Variants in VPS53 observed in about 807,000 individuals in gnomAD.
The protein encoded by VPS53 is vacuolar protein sorting-associated protein 53 homolog.
Under a neutral mutation model 107.0 loss-of-function variants are expected in VPS53, and 70 were observed. The ratio of observed to expected loss-of-function variants is 0.65; its 90% CI spans 0.54 to 0.80. The LOEUF (loss-of-function observed/expected upper bound fraction) is 0.80, where lower values mean the gene tolerates loss of function less well. VPS53 is among the 30% of genes least tolerant of loss of function. The pLI, the probability that VPS53 is intolerant of heterozygous loss-of-function variation, is 0.00. For missense variants in VPS53, 917 were observed against 1,049.4 expected, an observed-to-expected ratio of 0.87 and a Z score of 1.74; for synonymous variants, 409 against 393.3, an observed-to-expected ratio of 1.04 and a Z score of -0.47.
chr17:601,946 G>A, intron 11 of VPS53, 50 bp from the exon 12 acceptor site: 1 of 1,330,480 alleles, frequency 7.5e-7, no homozygotes, highest in Non-Finnish European at 1.0e-6. Flanking sequence ...ATATTCAATA[G>A]CTTTCCCCAT....
chr17:635,522 G>A (rs919376343), intron 7 of VPS53, among the ~76,000 whole-genome samples: 13 of 152,070 alleles, frequency 8.5e-5, no homozygotes, highest in African/African-American at 3.1e-4. Flanking sequence ...GGGTTTTTAT[G>A]GTTTTAGGTC....
At chr17:653,547 CTG>C in intron 6 of VPS53, 137 bp from the exon 7 acceptor site, 1 of 1,357,410 alleles carries the variant, frequency 7.4e-7, no homozygotes, top group Admixed American at 2.4e-5. Context: ...AGTATATAAG[CTG>C]CTGTGCGTTG....
At chr17:521,774 C>G in intron 19 of VPS53, 36 bp from the exon 20 acceptor site, 1 of 1,470,956 alleles carries the variant, frequency 6.8e-7, no homozygotes, top group South Asian at 1.4e-5. Flanking sequence ...CCGGCCCCTT[C>G]CAGCGACCCA....
At chr17:669,635 T>C (rs981496778) in intron 4 of VPS53, among the ~76,000 whole-genome samples, 1 of 145,802 alleles carries the variant, frequency 6.9e-6, no homozygotes, top group African/African-American at 2.5e-5. Context: ...GGCTCATGCC[T>C]GTAATCCCAG....
intron 2 of VPS53, among the ~76,000 whole-genome samples, chr17:705,242 T>C (rs941053922): frequency 2.6e-5 from 4 of 152,074 alleles, no homozygotes; most frequent in African/African-American, 7.2e-5. Context: ...AGTGGAAAGC[T>C]GCCATTACCC....
At chr17:658,683 A>G (rs1971314644) in intron 5 of VPS53, among the ~76,000 whole-genome samples, 1 of 149,058 alleles carries the variant, frequency 6.7e-6, no homozygotes, top group South Asian at 2.2e-4. Flanking sequence ...ATCCCACTGA[A>G]GTGAGACACT....
chr17:551,388 A>G (rs551058063), intron 17 of VPS53, among the ~76,000 whole-genome samples: 4 of 152,112 alleles, frequency 2.6e-5, no homozygotes, highest in Non-Finnish European at 4.4e-5. Flanking sequence ...GCAACATAGC[A>G]AGACTCTTAG....
intron 5 of VPS53, chr17:657,252 C>T: frequency 9.7e-7 from 1 of 1,028,228 alleles, no homozygotes. Context: ...TACAGCAAAG[C>T]AACCTTTGGT....
intron 12 of VPS53, among the ~76,000 whole-genome samples, chr17:599,383 G>A (rs8066220): frequency 0.049 from 7,415 of 152,002 alleles, 405 homozygotes; most frequent in African/African-American, 0.17. Flanking sequence ...AGACATGGGA[G>A]ACTTTTCATT....
chr17:713,638 C>A (rs1228787836), intron 1 of VPS53, among the ~76,000 whole-genome samples: 1 of 151,008 alleles, frequency 6.6e-6, no homozygotes, highest in Non-Finnish European at 1.5e-5. Context: ...GGCGAAAGAG[C>A]GAGACTCCGT....
chr17:584,381 AAC>A (rs952309793), intron 13 of VPS53, among the ~76,000 whole-genome samples: 29 of 152,320 alleles, frequency 1.9e-4, no homozygotes, highest in African/African-American at 7.0e-4. Flanking sequence ...CTGGAGCACG[AAC>A]ACAGTCTTCG....
At chr17:626,298 G>C (rs574605319) in intron 10 of VPS53, among the ~76,000 whole-genome samples, 1 of 151,976 alleles carries the variant, frequency 6.6e-6, no homozygotes, top group South Asian at 2.1e-4. Flanking sequence ...TTAATATAAA[G>C]AGACTATCTG....
chr17:657,460 G>A (rs976532655), intron 5 of VPS53: 29 of 1,237,036 alleles, frequency 2.3e-5, no homozygotes, highest in African/African-American at 7.4e-5. Flanking sequence ...GTGGACGGAC[G>A]AGGAGCAAAC....
intron 3 of VPS53, 23 bp downstream of exon 3, chr17:699,308 A>G: frequency 6.6e-7 from 1 of 1,513,354 alleles, no homozygotes; most frequent in South Asian, 1.4e-5. Context: ...ATTAATTATG[A>G]ACAATCACAC....
chr17:603,408 C>T (rs1968414910), intron 11 of VPS53, among the ~76,000 whole-genome samples: 1 of 152,176 alleles, frequency 6.6e-6, no homozygotes, highest in South Asian at 2.1e-4. Context: ...GGTGACAAAG[C>T]GAGACTCCGT....
intron 18 of VPS53, among the ~76,000 whole-genome samples, chr17:533,582 C>T (rs1422486821): frequency 2.6e-5 from 4 of 152,200 alleles, no homozygotes; most frequent in Non-Finnish European, 4.4e-5. Context: ...TCAGTACACA[C>T]GCACCTCTCA....
At chr17:641,126 G>A (rs1330179568) in intron 7 of VPS53, among the ~76,000 whole-genome samples, 1 of 152,192 alleles carries the variant, frequency 6.6e-6, no homozygotes, top group Non-Finnish European at 1.5e-5. Context: ...AAAGTGCTGG[G>A]ATTACAGGCG....
chr17:582,751 G>T (rs1967104845), intron 13 of VPS53, among the ~76,000 whole-genome samples: 1 of 149,406 alleles, frequency 6.7e-6, no homozygotes, highest in African/African-American at 2.5e-5. Flanking sequence ...CGTTCCCAGA[G>T]AACTTCTCTT....
chr17:555,399 A>G (rs568038350), intron 15 of VPS53, among the ~76,000 whole-genome samples: 1 of 152,196 alleles, frequency 6.6e-6, no homozygotes, highest in South Asian at 2.1e-4. Context: ...TTTTGGCCAC[A>G]TGTTGGCCAT....
Sources: allele counts gnomAD v4.1 joint callset (sites outside exome capture counted in the v4.1 genomes callset), GRCh38; gene constraint gnomAD v4.1.1; transcripts MANE v1.5; gene names NCBI Gene and HGNC (gene_info 2026-07-23, HGNC 2026-07-21).